Variants in CACNA2D2 observed in about 807,000 individuals in gnomAD.
CACNA2D2 encodes the protein calcium voltage-gated channel auxiliary subunit alpha2delta 2.
Under a neutral mutation model 166.4 loss-of-function variants are expected in CACNA2D2, and 48 were observed. That is an observed-to-expected ratio of 0.29 (90% CI 0.23 to 0.37). CACNA2D2 has a LOEUF of 0.37. Ranked by LOEUF, CACNA2D2 falls within the 10% of genes least tolerant of loss-of-function variation. The pLI is 1.00. For missense variants in CACNA2D2, 1,122 were observed against 1,433.0 expected (o/e 0.78, Z 3.50); for synonymous variants, 561 against 573.7 (o/e 0.98, Z 0.32).
intron 1 of CACNA2D2, among the ~76,000 whole-genome samples, chr3:50,483,934 T>C (rs1020863547): frequency 6.6e-6 from 1 of 152,210 alleles, no homozygotes; most frequent in Non-Finnish European, 1.5e-5. Flanking sequence ...AATTGAGAGA[T>C]GTGCTCCAGG....
At chr3:50,377,697 G>A (rs1365680213) in intron 16 of CACNA2D2, 35 bp downstream of exon 16, 1 of 1,598,046 alleles carries the variant, frequency 6.3e-7, no homozygotes, top group Admixed American at 1.7e-5. Flanking sequence ...TCCTCCCCAG[G>A]CACACCCATA....
chr3:50,500,825 C>CCAG (rs1698934004), intron 1 of CACNA2D2, among the ~76,000 whole-genome samples: 1 of 147,782 alleles, frequency 6.8e-6, no homozygotes, highest in Non-Finnish European at 1.5e-5. Flanking sequence ...CCTTCTCAAT[C>CCAG]CAGCAGCAGC....
rs587658236 is a variant in CACNA2D2, at chr3:50,368,197, G to T, written c.2084C>A (p.Thr695Asn). ...CTCAATAAAGTTTTTCAGGAACTCG[G>T]TGTTGTTGTCTGAGGCATTCAGGTC... ...CKDLNASDNN[T>N]EFLKNFIELM... is the part of the protein sequence containing the mutation. Residue 695 changes from threonine (T) to asparagine (N), a missense_variant, in exon 24 of 38, where the codon ACC (threonine) becomes AAC (asparagine). By Grantham distance (65) the Thr-to-Asn change is moderately conservative (BLOSUM62 0). Around this residue, in one of 2 missense-constraint regions of CACNA2D2, gnomAD observed 840 missense variants for 1,166.8 expected, o/e 0.72. Coordinates refer to ENST00000424201, the MANE Select transcript of CACNA2D2 (RefSeq NM_006030.4). 1.9e-6 allele frequency: 3 copies of T among 1,613,884 alleles called. No homozygotes were observed. The highest frequency in any genetic ancestry group is 2.2e-5 in the East Asian group (1 of 44,870).
At chr3:50,440,649 A>C (rs1252584706) in intron 2 of CACNA2D2, among the ~76,000 whole-genome samples, 1 of 152,208 alleles carries the variant, frequency 6.6e-6, no homozygotes, top group Non-Finnish European at 1.5e-5. Flanking sequence ...GGGAGCAGAG[A>C]GGAGGGTGCC....
intron 1 of CACNA2D2, among the ~76,000 whole-genome samples, chr3:50,482,494 T>C (rs887080873): frequency 7.2e-5 from 11 of 152,218 alleles, no homozygotes; most frequent in African/African-American, 2.7e-4. Flanking sequence ...AAGTTCACCA[T>C]TCCTTTTACC....
chr3:50,405,676 C>T (rs1311340373), intron 3 of CACNA2D2, among the ~76,000 whole-genome samples: 3 of 151,866 alleles, frequency 2.0e-5, no homozygotes, highest in Non-Finnish European at 4.4e-5. Context: ...ACAGGCAGGG[C>T]CTGCCTTGAC....
chr3:50,435,106 C>T (rs1708248571), intron 2 of CACNA2D2, among the ~76,000 whole-genome samples: 1 of 151,430 alleles, frequency 6.6e-6, no homozygotes, highest in African/African-American at 2.4e-5. Context: ...GGTCTGTGGG[C>T]AGGTGCATGT....
At chr3:50,473,795 C>A (rs1025159274) in intron 2 of CACNA2D2, among the ~76,000 whole-genome samples, 4 of 152,196 alleles carry the variant, frequency 2.6e-5, no homozygotes, top group Admixed American at 6.5e-5. Context: ...AACCCCCACG[C>A]CCACCTCACC....
intron 3 of CACNA2D2, among the ~76,000 whole-genome samples, chr3:50,395,588 A>C (rs545915506): frequency 6.6e-6 from 1 of 152,326 alleles, no homozygotes; most frequent in Non-Finnish European, 1.5e-5. Flanking sequence ...TCCAGGCCTG[A>C]TATGGCATGT....
At chr3:50,382,129 C>T (rs759062172) in intron 6 of CACNA2D2, among the ~76,000 whole-genome samples, 4 of 152,168 alleles carry the variant, frequency 2.6e-5, no homozygotes, top group Non-Finnish European at 4.4e-5. Context: ...TCGGGGCGGC[C>T]TGATGTGTGT....
In CACNA2D2 at chr3:50,379,220, G is replaced by A; in HGVS notation, c.1153-21C>T. ...TTGGACTGAGGGGAGTGAGGCGGAG[G>A]CAGGCAGCTCTCAGCCCTCCCTGGT... On this transcript the variant is annotated intron_variant, in intron 11 of 37. Transcript: ENST00000424201. The surrounding 1 kb of genome is among the most constrained non-coding windows in gnomAD (Gnocchi z 6.5). The A allele has an allele frequency of 1.3e-6, 2 of 1,592,618 alleles. No homozygotes were observed. Among genetic ancestry groups the A allele is most frequent in the Admixed American group, 1.7e-5 (1 of 59,976 alleles).
At chr3:50,467,912 C>A (rs1709888069) in intron 2 of CACNA2D2, among the ~76,000 whole-genome samples, 1 of 152,234 alleles carries the variant, frequency 6.6e-6, no homozygotes, top group South Asian at 2.1e-4. Context: ...CCATGCTGAG[C>A]CTCCATCTCC....
intron 1 of CACNA2D2, among the ~76,000 whole-genome samples, chr3:50,498,577 G>T (rs1296637575): frequency 1.3e-5 from 2 of 152,216 alleles, no homozygotes; most frequent in East Asian, 3.9e-4. Context: ...GGCTGGGGGT[G>T]CTCCATGATG....
intron 3 of CACNA2D2, among the ~76,000 whole-genome samples, chr3:50,432,238 T>C (rs993153752): frequency 6.6e-6 from 1 of 152,158 alleles, no homozygotes; most frequent in African/African-American, 2.4e-5. Flanking sequence ...ACCCCAGCCC[T>C]GTGATTCCCA....
At chr3:50,464,543 G>A (rs890627597) in intron 2 of CACNA2D2, among the ~76,000 whole-genome samples, 1 of 152,154 alleles carries the variant, frequency 6.6e-6, no homozygotes, top group Non-Finnish European at 1.5e-5. Context: ...TGCTGTGGGG[G>A]TGAAGCCACA....
In CACNA2D2 at chr3:50,367,146, G is replaced by A. The variant is rs1409987751; in HGVS notation, c.2402-37C>T. Reference sequence around the variant, plus strand: ...GTGGGGAAGTCAGGAGTGGGGTCTGGCGGCCACACTGACCACTCTATGCTG... The same window carrying A: ...GTGGGGAAGTCAGGAGTGGGGTCTGACGGCCACACTGACCACTCTATGCTG... On this transcript the variant is annotated intron_variant, in intron 27 of 37. Transcript: ENST00000424201. This position sits in a 1 kb window ranked among gnomAD's most constrained non-coding sequence, Gnocchi z 6.5. The A allele has an allele frequency of 6.7e-7, 1 of 1,493,916 alleles. No homozygotes were observed. The highest frequency in any genetic ancestry group is 9.3e-7 in the Non-Finnish European group (1 of 1,075,518). The allele number at this position is 1,493,916 out of a possible 1,614,324, so 92.5% of individuals were successfully genotyped here. A position where few individuals can be genotyped will look rare whatever the true frequency, so the allele number is the denominator to read the frequency against.
chr3:50,446,385 G>A (rs1708848613), intron 2 of CACNA2D2, among the ~76,000 whole-genome samples: 1 of 152,208 alleles, frequency 6.6e-6, no homozygotes, highest in Non-Finnish European at 1.5e-5. Flanking sequence ...GAGAGTAACT[G>A]GCAGAGCTGG....
intron 2 of CACNA2D2, among the ~76,000 whole-genome samples, chr3:50,441,564 AGCCT>A (rs1708601335): frequency 6.6e-6 from 1 of 152,252 alleles, no homozygotes; most frequent in African/African-American, 2.4e-5. Flanking sequence ...CCCTGTGCAG[AGCCT>A]GCCTGTGAGG....
At chr3:50,406,337 C>A (rs183922961) in intron 3 of CACNA2D2, among the ~76,000 whole-genome samples, 5 of 151,886 alleles carry the variant, frequency 3.3e-5, no homozygotes, top group African/African-American at 1.2e-4. Context: ...AAAAAAGCAC[C>A]AAGCAAGCCC....
Sources: gnomAD v4.1 joint callset for allele counts (sites outside exome capture counted in the v4.1 genomes callset) on GRCh38, gnomAD v4.1.1 for gene constraint, gnomAD v4.1.1 regional missense constraint, Gnocchi (gnomAD v3.1) non-coding constraint, MANE v1.5 for transcripts, NCBI Gene and HGNC (gene_info 2026-07-23, HGNC 2026-07-21) for gene names.